Variants in COA5 observed in about 807,000 individuals in gnomAD.
COA5 encodes protein C2orf64.
In COA5, 11 loss-of-function variants were observed where a neutral mutation model predicts 11.8. The ratio of observed to expected loss-of-function variants is 0.93; its 90% CI spans 0.59 to 1.54. The LOEUF (loss-of-function observed/expected upper bound fraction) is 1.54, where lower values mean the gene tolerates loss of function less well. Among genes scored for constraint, COA5 ranks in the 40% most tolerant of loss-of-function variants. The pLI is 0.00. For synonymous variants in COA5, 38 were observed against 37.5 expected, an observed-to-expected ratio of 1.01 and a Z score of -0.05; for missense variants, 87 against 89.2, an observed-to-expected ratio of 0.97 and a Z score of 0.10.
intron 2 of COA5, among the ~76,000 whole-genome samples, chr2:98,603,296 T>C (rs148423185): frequency 0.015 from 2,220 of 152,134 alleles, 57 homozygotes; most frequent in African/African-American, 0.05. Context: ...CTGGCCAACA[T>C]GGTGAAATCC....
In COA5 at chr2:98,604,243, G is replaced by A. The variant is rs756785476; in HGVS notation, c.100-52C>T. The stretch of plus-strand genomic sequence containing the variant: ...AACACCTTGGAAATTTTCTCACAAA[G>A]TACAAAATAATTGTCCTTCTGAAAA... On this transcript the variant is annotated intron_variant, in intron 1 of 2. Coordinates refer to ENST00000328709, the MANE Select transcript of COA5 (RefSeq NM_001008215.3). 17 of 1,350,424 alleles carry A rather than the reference G, an allele frequency of 1.3e-5. No homozygotes were observed. The African/African-American group carries it at 2.2e-4, about 17-fold the overall frequency. 83.7% of individuals were successfully genotyped at this position (1,350,424 alleles called of 1,614,324 possible).
intron 1 of COA5, among the ~76,000 whole-genome samples, chr2:98,606,474 T>C (rs1575225652): frequency 6.6e-6 from 1 of 152,220 alleles, no homozygotes; most frequent in African/African-American, 2.4e-5. Flanking sequence ...ACATATTCAA[T>C]GGCGGGAAAA....
rs763401691 is a variant in COA5, at chr2:98,608,462, C to T, written c.-57G>A. Reference sequence around the variant, plus strand: ...TTTCTCCCACCGCAACACTTGCAACCGGGTCGGGAGCGAGCGAGGCCCCAG... The same window carrying T: ...TTTCTCCCACCGCAACACTTGCAACTGGGTCGGGAGCGAGCGAGGCCCCAG... On this transcript the variant is annotated 5_prime_UTR_variant, in exon 1 of 3. Transcript: ENST00000328709. The T allele has an allele frequency of 1.2e-4, 161 of 1,361,762 alleles. No individual in the cohort carries two copies. Among genetic ancestry groups the T allele is most frequent in the Middle Eastern group, 1.8e-4 (1 of 5,688 alleles). The allele number at this position is 1,361,762 out of a possible 1,614,324, so 84.4% of individuals were successfully genotyped here.
At chr2:98,607,198 G>A (rs1424068730) in intron 1 of COA5, among the ~76,000 whole-genome samples, 1 of 152,152 alleles carries the variant, frequency 6.6e-6, no homozygotes, top group Non-Finnish European at 1.5e-5. Context: ...GACTGTTACT[G>A]ATTCATCTTC....
chr2:98,606,061 C>T (rs115571538), intron 1 of COA5, among the ~76,000 whole-genome samples: 102 of 152,266 alleles, frequency 6.7e-4, no homozygotes, highest in Middle Eastern at 3.4e-3. Context: ...ATGTTGAATT[C>T]CTCCCTAGAG....
Position 98,600,789 on chromosome 2 carries a change from T to C in COA5, c.188A>G (p.Asp63Gly). Residue 63 changes from aspartate (D) to glycine (G), a missense_variant, in exon 3 of 3, where the codon GAT becomes GGT. Coordinates refer to ENST00000328709, the MANE Select transcript of COA5 (RefSeq NM_001008215.3). ...AFFECKRSVL[D>G]NRARFRGRKG... is the part of the protein sequence containing the mutation. ...TCTTCCTCTGAATCTTGCCCTGTTA[T>C]CCAACTGAAAATAAATATACAATTA... 1 of 1,595,220 alleles carries C rather than the reference T, an allele frequency of 6.3e-7. No homozygotes were observed. The highest frequency in any genetic ancestry group is 8.6e-7 in the Non-Finnish European group (1 of 1,163,966).
intron 2 of COA5, chr2:98,602,256 C>G (rs1439790570): frequency 6.6e-6 from 1 of 152,222 alleles, no homozygotes; most frequent in Non-Finnish European, 1.5e-5. Flanking sequence ...GTTTATATTT[C>G]TGGGTTTTTT....
In COA5 at chr2:98,604,000, T is replaced by C. The variant is rs1306426048; in HGVS notation, c.183+108A>G. 4 of 794,962 alleles carry C rather than the reference T, an allele frequency of 5.0e-6. No homozygotes were observed. In the East Asian group the frequency reaches 7.7e-5, roughly 15 times the overall value. The allele number at this position is 794,962 out of a possible 1,614,324, so 49.2% of individuals were successfully genotyped here. ...AAGAAATATTATCTATGTAATTTTT[T>C]CCAAACCATATCACTGCAACTTACC... On this transcript the variant is annotated intron_variant, in intron 2 of 2. Coordinates refer to ENST00000328709, the MANE Select transcript of COA5 (RefSeq NM_001008215.3).
chr2:98,605,216 G>C (rs1488577209), intron 1 of COA5, among the ~76,000 whole-genome samples: 1 of 152,128 alleles, frequency 6.6e-6, no homozygotes, highest in Non-Finnish European at 1.5e-5. Flanking sequence ...CATATGGCTG[G>C]GTGAGATCTC....
chr2:98,601,484 A>G lies in COA5; in HGVS notation c.184-691T>C, dbSNP rs566103774. On this transcript the variant is annotated intron_variant, in intron 2 of 2. Transcript: ENST00000328709. ...TTGGGATTAAAAATCCTTCAGGTGA[A>G]TTACCACCTCACAAACTGGCAGCAC... Among the ~76,000 whole-genome samples, 7 of 152,356 alleles carry G rather than the reference A, an allele frequency of 4.6e-5. No individual in the cohort carries two copies. In the South Asian group the frequency reaches 1.2e-3, roughly 27 times the overall value.
intron 2 of COA5, among the ~76,000 whole-genome samples, chr2:98,603,111 G>T (rs891524505): frequency 1.3e-5 from 2 of 152,156 alleles, no homozygotes; most frequent in Non-Finnish European, 2.9e-5. Flanking sequence ...CTTGCAGGTC[G>T]TAAGTATCAG....
At chr2:98,604,215 A>G (rs1020116277) in intron 1 of COA5, 24 bp from the exon 2 acceptor site, 3 of 1,551,760 alleles carry the variant, frequency 1.9e-6, no homozygotes, top group Admixed American at 1.7e-5. Flanking sequence ...ATAAAACAAT[A>G]TAAACACCTT....
rs1228043896 is a variant in COA5, at chr2:98,600,561, T to C, written c.*191A>G. ...ATTAGGTTTTTCTTCTAAAAATAAC[T>C]TGGATCAAGAGAATCATTTACTTTA... On this transcript the variant is annotated 3_prime_UTR_variant, in exon 3 of 3. Coordinates refer to ENST00000328709, the MANE Select transcript of COA5 (RefSeq NM_001008215.3). 3 of 604,818 alleles carry C rather than the reference T, an allele frequency of 5.0e-6. No individual in the cohort carries two copies. The African/African-American group carries it at 5.6e-5, about 11-fold the overall frequency. The allele number at this position is 604,818 out of a possible 1,614,324, so 37.5% of individuals were successfully genotyped here. A position where few individuals can be genotyped will look rare whatever the true frequency, so the allele number is the denominator to read the frequency against.
chr2:98,605,192 T>A (rs1700691233), intron 1 of COA5, among the ~76,000 whole-genome samples: 1 of 152,236 alleles, frequency 6.6e-6, no homozygotes, highest in South Asian at 2.1e-4. Context: ...TGTCTGCTCT[T>A]CCTTTTTATC....
At chr2:98,607,738 G>A (rs984511058) in intron 1 of COA5, among the ~76,000 whole-genome samples, 11 of 152,148 alleles carry the variant, frequency 7.2e-5, no homozygotes, top group Admixed American at 6.5e-4. Context: ...CTGTAGCCGG[G>A]GAGTGAAGGA....
rs1700736554 is a variant in COA5, at chr2:98,608,141, GGC to G, written c.99+164_99+165del. ...CCGATTTAACCCCACAGGGAACTGG[GGC>G]TCCGACAGCTCAGTGGATCTGCGCA... On this transcript the variant is annotated intron_variant, in intron 1 of 2. Transcript: ENST00000328709. 8 of 638,086 alleles carry G rather than the reference GGC, an allele frequency of 1.3e-5. No individual in the cohort carries two copies. In the Admixed American group the frequency reaches 1.5e-4, roughly 12 times the overall value. 39.5% of individuals were successfully genotyped at this position (638,086 alleles called of 1,614,324 possible).
At chr2:98,603,090 G>C (rs1312833024) in intron 2 of COA5, among the ~76,000 whole-genome samples, 1 of 152,150 alleles carries the variant, frequency 6.6e-6, no homozygotes, top group Non-Finnish European at 1.5e-5. Flanking sequence ...CAAGTTCTTT[G>C]TTTACAACCA....
At chr2:98,601,367 T>TAA (rs1401507183) in intron 2 of COA5, among the ~76,000 whole-genome samples, 1 of 152,224 alleles carries the variant, frequency 6.6e-6, no homozygotes, top group African/African-American at 2.4e-5. Flanking sequence ...CTAAAAAACT[T>TAA]AACTTTCTAG....
chr2:98,608,416 C>A lies in COA5; in HGVS notation c.-11G>T. 1 of 1,582,584 alleles carries A rather than the reference C, an allele frequency of 6.3e-7. No individual in the cohort carries two copies. The highest frequency in any genetic ancestry group is 8.6e-7 in the Non-Finnish European group (1 of 1,165,232). Reference sequence around the variant, plus strand: ...ATAATACTTAGGCATGACGGCGCTTCCCCTCCGATGCGGACGCGACTTTCT... The same window carrying A: ...ATAATACTTAGGCATGACGGCGCTTACCCTCCGATGCGGACGCGACTTTCT... On this transcript the variant is annotated 5_prime_UTR_variant, in exon 1 of 3. Coordinates refer to ENST00000328709, the MANE Select transcript of COA5 (RefSeq NM_001008215.3).
Sources: gnomAD v4.1 joint callset for allele counts (sites outside exome capture counted in the v4.1 genomes callset) on GRCh38, gnomAD v4.1.1 for gene constraint, MANE v1.5 for transcripts, NCBI Gene and HGNC (gene_info 2026-07-23, HGNC 2026-07-21) for gene names.